Variants in POU2AF3 observed in about 807,000 individuals in gnomAD.
The protein encoded by POU2AF3 is POU class 2 homeobox associating factor 3.
chr11:111,307,437 G>C, the POU2AF3 span, among the ~76,000 whole-genome samples: 4 of 152,170 alleles, frequency 2.6e-5, no homozygotes, highest in Non-Finnish European at 5.9e-5. Context: ...TAACTCTGCA[G>C]AATATGCACA....
At chr11:111,300,742 T>G in the POU2AF3 span, 1 of 416,284 alleles carries the variant, frequency 2.4e-6, no homozygotes. Flanking sequence ...CTGGCCTTCC[T>G]CTGCTGTTCC....
At chr11:111,301,468 A>G in the POU2AF3 span, among the ~76,000 whole-genome samples, 1 of 151,844 alleles carries the variant, frequency 6.6e-6, no homozygotes, top group Non-Finnish European at 1.5e-5. Flanking sequence ...TCTCCAGCCC[A>G]TTGGCATCTG....
the POU2AF3 span, chr11:111,304,906 G>A: frequency 2.8e-5 from 34 of 1,227,496 alleles, no homozygotes; most frequent in South Asian, 2.1e-4. Context: ...CCTGCTTCAC[G>A]GTGATATTCT....
chr11:111,299,580 G>A, the POU2AF3 span: 5 of 1,215,544 alleles, frequency 4.1e-6, no homozygotes, highest in South Asian at 1.7e-4. Flanking sequence ...CGCCAGCCCC[G>A]GGGCGGCCCC....
chr11:111,304,733 A>G, the POU2AF3 span: 3 of 388,866 alleles, frequency 7.7e-6, no homozygotes, highest in Non-Finnish European at 1.4e-5. Flanking sequence ...TTTCCCTTTC[A>G]CTTGTTTTTT....
At chr11:111,300,838 C>T in the POU2AF3 span, among the ~76,000 whole-genome samples, 1 of 152,206 alleles carries the variant, frequency 6.6e-6, no homozygotes, top group African/African-American at 2.4e-5. Flanking sequence ...TTTGGGGGAG[C>T]CCATCCATCC....
chr11:111,298,836 G>A, the POU2AF3 span: 8 of 421,864 alleles, frequency 1.9e-5, no homozygotes, highest in Non-Finnish European at 2.8e-5. Context: ...GCCCCCGCCC[G>A]CCCTCCCACG....
chr11:111,298,772 G>A, the POU2AF3 span: 1 of 1,150,128 alleles, frequency 8.7e-7, no homozygotes, highest in Non-Finnish European at 1.1e-6. Flanking sequence ...GCCTGTCCCG[G>A]AGGGCAGAGG....
At chr11:111,306,532 A>T in the POU2AF3 span, 1 of 1,551,086 alleles carries the variant, frequency 6.4e-7, no homozygotes, top group Non-Finnish European at 8.7e-7. Context: ...ACAGAGATGC[A>T]CCCGGAGCCT....
At chr11:111,306,738 A>G in the POU2AF3 span, 1 of 780,780 alleles carries the variant, frequency 1.3e-6, no homozygotes. Context: ...CAAGGAAATC[A>G]TCCAAGGAAA....
At chr11:111,307,850 A>G in the POU2AF3 span, among the ~76,000 whole-genome samples, 1 of 152,210 alleles carries the variant, frequency 6.6e-6, no homozygotes, top group Non-Finnish European at 1.5e-5. Context: ...AAGGCAATTT[A>G]TTGTTTGGAA....
At chr11:111,298,654 T>A in the POU2AF3 span, 1 of 1,231,908 alleles carries the variant, frequency 8.1e-7, no homozygotes, top group Non-Finnish European at 1.0e-6. Flanking sequence ...CGGGTGTGTT[T>A]CCACGGCTTT....
the POU2AF3 span, chr11:111,298,828 C>CGGCGG: frequency 4.9e-6 from 2 of 411,064 alleles, no homozygotes; most frequent in Non-Finnish European, 8.2e-6. Context: ...TACCCCAGGC[C>CGGCGG]CCCGCCCGCC....
At chr11:111,307,941 T>A in the POU2AF3 span, 4 of 786,924 alleles carry the variant, frequency 5.1e-6, no homozygotes, top group Non-Finnish European at 7.6e-6. Context: ...TTGGGTTGGG[T>A]GTTGTTTCGT....
chr11:111,299,314 C>G, the POU2AF3 span: 7 of 987,584 alleles, frequency 7.1e-6, no homozygotes, highest in Non-Finnish European at 8.4e-6. Flanking sequence ...AGCGCACTTC[C>G]CGGCGCGATT....
the POU2AF3 span, chr11:111,300,316 TTCC>T: frequency 3.0e-6 from 1 of 332,334 alleles, no homozygotes; most frequent in Non-Finnish European, 5.4e-6. Flanking sequence ...ACGGATTCTT[TTCC>T]TACTGGGGCT....
At chr11:111,307,506 G>T in the POU2AF3 span, among the ~76,000 whole-genome samples, 1 of 152,146 alleles carries the variant, frequency 6.6e-6, no homozygotes, top group Non-Finnish European at 1.5e-5. Context: ...CTCCAAGTTA[G>T]GTTTTCTCAG....
chr11:111,308,136 A>C, the POU2AF3 span: 1 of 1,550,858 alleles, frequency 6.4e-7, no homozygotes, highest in Non-Finnish European at 8.7e-7. Context: ...TCGCCAGTGC[A>C]GCTGCCTTCA....
chr11:111,308,021 CCTGT>C, the POU2AF3 span: 8,163 of 1,448,806 alleles, frequency 5.6e-3, 371 homozygotes, highest in African/African-American at 0.098. Context: ...GTTCTTTGAT[CCTGT>C]CTAAGTTATT....
Sources: gnomAD v4.1 joint callset for allele counts (sites outside exome capture counted in the v4.1 genomes callset) on GRCh38, gnomAD v4.1.1 for gene constraint, MANE v1.5 for transcripts, NCBI Gene and HGNC (gene_info 2026-07-23, HGNC 2026-07-21) for gene names.